The following MYO5A variants were observed in gnomAD, a reference collection of about 807,000 sequenced individuals.
MYO5A encodes the protein myosin VA.
In MYO5A, 98 loss-of-function variants were observed where a neutral mutation model predicts 249.7. That is an observed-to-expected ratio of 0.39 (90% confidence interval 0.33 to 0.46). MYO5A has a LOEUF of 0.46. Among genes scored for constraint, MYO5A ranks in the 20% least tolerant of loss-of-function variants. MYO5A has a pLI of 0.98. For missense variants in MYO5A, 1,696 were observed against 2,308.8 expected, an observed-to-expected ratio of 0.73 and a Z score of 5.44; for synonymous variants, 778 against 810.6, an observed-to-expected ratio of 0.96 and a Z score of 0.68.
chr15:52,316,267 G>C (rs1448679584), intron 40 of MYO5A, among the ~76,000 whole-genome samples: 1 of 142,592 alleles, frequency 7.0e-6, no homozygotes, highest in African/African-American at 2.6e-5. Context: ...AAGAAAGAAA[G>C]TCTAAGAGTC....
intron 1 of MYO5A, among the ~76,000 whole-genome samples, chr15:52,458,655 T>C (rs1384928827): frequency 1.3e-5 from 2 of 151,624 alleles, no homozygotes; most frequent in East Asian, 1.9e-4. Context: ...AAATAATAAA[T>C]GTTCAAGGGG....
intron 1 of MYO5A, among the ~76,000 whole-genome samples, chr15:52,466,114 T>C (rs569519894): frequency 6.6e-6 from 1 of 152,234 alleles, no homozygotes; most frequent in South Asian, 2.1e-4. Context: ...AGGAACTGCT[T>C]GAGGAAGTAT....
At chr15:52,500,690 G>T (rs912007820) in intron 1 of MYO5A, among the ~76,000 whole-genome samples, 1 of 152,040 alleles carries the variant, frequency 6.6e-6, no homozygotes, top group Admixed American at 6.5e-5. Flanking sequence ...GGGTTCTTTG[G>T]TTGTTTGTCG....
At chr15:52,528,924 G>C, upstream of MYO5A, 1 of 942,938 alleles carries the variant, frequency 1.1e-6, no homozygotes, top group South Asian at 5.0e-5. Flanking sequence ...GCAGGGCAGG[G>C]CCGGGCGGGG....
At chr15:52,328,791 C>G (rs1258545846) in intron 35 of MYO5A, among the ~76,000 whole-genome samples, 1 of 152,236 alleles carries the variant, frequency 6.6e-6, no homozygotes, top group Non-Finnish European at 1.5e-5. Flanking sequence ...CCCACTCCAG[C>G]TCACTCTGCT....
At chr15:52,440,646 G>A (rs2075767674) in intron 1 of MYO5A, among the ~76,000 whole-genome samples, 2 of 152,168 alleles carry the variant, frequency 1.3e-5, no homozygotes, top group African/African-American at 4.8e-5. Context: ...TGACTCACTG[G>A]AAGTTTTGCT....
intron 34 of MYO5A, among the ~76,000 whole-genome samples, chr15:52,334,461 G>T (rs895346284): frequency 6.6e-6 from 1 of 152,172 alleles, no homozygotes; most frequent in Non-Finnish European, 1.5e-5. Flanking sequence ...ATGTGTGTGT[G>T]AGTGTGTGAT....
At chr15:52,522,336 T>C (rs1261216425) in intron 1 of MYO5A, among the ~76,000 whole-genome samples, 1 of 152,188 alleles carries the variant, frequency 6.6e-6, no homozygotes, top group Non-Finnish European at 1.5e-5. Flanking sequence ...TTTTCAAGTA[T>C]ATTATACCTC....
intron 3 of MYO5A, among the ~76,000 whole-genome samples, chr15:52,427,747 G>T (rs1435044899): frequency 6.6e-6 from 1 of 152,012 alleles, no homozygotes. Flanking sequence ...TGAAAGAATG[G>T]TAAGACGTCA....
chr15:52,438,242 A>G (rs1595683884), intron 1 of MYO5A, among the ~76,000 whole-genome samples: 1 of 152,264 alleles, frequency 6.6e-6, no homozygotes, highest in East Asian at 1.9e-4. Flanking sequence ...GAATAGAACT[A>G]AACTTGTCCA....
chr15:52,401,937 T>C (rs1461117434), intron 9 of MYO5A, among the ~76,000 whole-genome samples: 1 of 152,230 alleles, frequency 6.6e-6, no homozygotes, highest in African/African-American at 2.4e-5. Context: ...AATCTGCTGT[T>C]TATTAATTTT....
chr15:52,376,130 T>C (rs565596940), intron 19 of MYO5A, among the ~76,000 whole-genome samples: 33 of 152,236 alleles, frequency 2.2e-4, no homozygotes, highest in Non-Finnish European at 3.8e-4. Context: ...AGGACATAAG[T>C]AAGCAGCAGT....
intron 1 of MYO5A, among the ~76,000 whole-genome samples, chr15:52,479,421 G>C (rs1209147637): frequency 6.6e-6 from 1 of 151,728 alleles, no homozygotes; most frequent in Non-Finnish European, 1.5e-5. Context: ...GTTCATCTGA[G>C]AATTTTTTCA....
intron 29 of MYO5A, 137 bp downstream of exon 29, chr15:52,348,681 G>A (rs928429320): frequency 1.3e-5 from 10 of 790,128 alleles, no homozygotes; most frequent in Middle Eastern, 3.7e-4. Flanking sequence ...GAGTCAAATC[G>A]GAAATTCACT....
chr15:52,450,364 A>T (rs1337053340), intron 1 of MYO5A, among the ~76,000 whole-genome samples: 7 of 147,648 alleles, frequency 4.7e-5, no homozygotes, highest in East Asian at 2.0e-4. Context: ...AATATTCTTT[A>T]AAAAAAAAAA....
chr15:52,441,495 T>C (rs1016635522), intron 1 of MYO5A, among the ~76,000 whole-genome samples: 2 of 152,248 alleles, frequency 1.3e-5, no homozygotes, highest in African/African-American at 4.8e-5. Context: ...AATTTTCACT[T>C]GCCACTTCTA....
At chr15:52,357,452 C>CAA (rs35645503) in intron 25 of MYO5A, among the ~76,000 whole-genome samples, 5,215 of 93,574 alleles carry the variant, frequency 0.056, 354 homozygotes, top group African/African-American at 0.16. Flanking sequence ...CTAGAACTAG[C>CAA]AAAAAAAAAA....
At chr15:52,512,182 A>G (rs1385309590) in intron 1 of MYO5A, among the ~76,000 whole-genome samples, 1 of 150,856 alleles carries the variant, frequency 6.6e-6, no homozygotes, top group Non-Finnish European at 1.5e-5. Context: ...AAAAAAATTG[A>G]TATCATAATT....
At chr15:52,377,574 C>T (rs200097094) in intron 18 of MYO5A, among the ~76,000 whole-genome samples, 8 of 139,896 alleles carry the variant, frequency 5.7e-5, no homozygotes, top group Non-Finnish European at 7.6e-5. Context: ...ACCTGGAATT[C>T]TTTTTTTTTT....
Sources: gnomAD v4.1 joint callset for allele counts (sites outside exome capture counted in the v4.1 genomes callset) on GRCh38, gnomAD v4.1.1 for gene constraint, MANE v1.5 for transcripts, NCBI Gene and HGNC (gene_info 2026-07-23, HGNC 2026-07-21) for gene names.